Variants in NBEA observed in about 807,000 individuals in gnomAD.
NBEA encodes the protein lysosomal-trafficking regulator 2.
NBEA carries 44 observed loss-of-function variants against 343.4 expected under a neutral mutation model. The observed-to-expected ratio is 0.13, with a 90% CI of 0.10 to 0.16. The LOEUF (loss-of-function observed/expected upper bound fraction) is 0.16, where lower values mean the gene tolerates loss of function less well. NBEA is among the 10% of genes least tolerant of loss of function. The probability of loss-of-function intolerance (pLI) is 1.00; values close to 1 mark genes in which losing one functional copy is unlikely to be tolerated. For missense variants in NBEA, 2,555 were observed against 3,631.3 expected (o/e 0.70, Z 7.62); for synonymous variants, 1,175 against 1,238.7 (o/e 0.95, Z 1.08).
intron 13 of NBEA, 88 bp from the exon 14 acceptor site, chr13:35,117,326 A>G (rs919866831): frequency 2.0e-6 from 1 of 504,260 alleles, no homozygotes. Flanking sequence ...TAATTATTCA[A>G]GAATGCCATA....
At chr13:35,358,486 G>A (rs2040621614) in intron 38 of NBEA, among the ~76,000 whole-genome samples, 1 of 152,070 alleles carries the variant, frequency 6.6e-6, no homozygotes, top group South Asian at 2.1e-4. Flanking sequence ...GGAGGCTGAG[G>A]TGGGCAGATT....
intron 44 of NBEA, among the ~76,000 whole-genome samples, chr13:35,556,963 A>T (rs1370515050): frequency 6.6e-6 from 1 of 152,060 alleles, no homozygotes; most frequent in African/African-American, 2.4e-5. Flanking sequence ...TATTCCCTGT[A>T]TTAGGTTTTT....
intron 1 of NBEA, among the ~76,000 whole-genome samples, chr13:35,012,476 C>T (rs2061519431): frequency 6.6e-6 from 1 of 152,152 alleles, no homozygotes; most frequent in African/African-American, 2.4e-5. Context: ...TCAAGCCATA[C>T]CAAGTAAATA....
intron 33 of NBEA, among the ~76,000 whole-genome samples, chr13:35,213,889 C>CCCTGTTTGTTATTCACTCCTATCTCTGCT (rs2073923125): frequency 6.6e-6 from 1 of 151,874 alleles, no homozygotes; most frequent in East Asian, 1.9e-4. Flanking sequence ...GTTCTGTGTG[C>CCCTGTTTGTTATTCACTCCTATCTCTGCT]CCTGTTTGTT....
At chr13:35,070,278 A>G (rs2063815379) in intron 9 of NBEA, among the ~76,000 whole-genome samples, 173 bp downstream of exon 9, 1 of 151,964 alleles carries the variant, frequency 6.6e-6, no homozygotes, top group Non-Finnish European at 1.5e-5. Context: ...ATAGCAATAT[A>G]CTCTACCCTG....
intron 38 of NBEA, among the ~76,000 whole-genome samples, chr13:35,381,509 T>A (rs2042011706): frequency 6.6e-6 from 1 of 152,126 alleles, no homozygotes; most frequent in East Asian, 1.9e-4. Flanking sequence ...ATATCCAGAC[T>A]TCTATTCCCG....
chr13:35,228,561 C>A (rs969274808), intron 33 of NBEA, among the ~76,000 whole-genome samples: 7 of 152,032 alleles, frequency 4.6e-5, no homozygotes, highest in African/African-American at 1.7e-4. Context: ...AAGTCACCAG[C>A]CTCCAGTGTC....
chr13:35,379,174 C>T (rs1334290920), intron 38 of NBEA, among the ~76,000 whole-genome samples: 1 of 151,798 alleles, frequency 6.6e-6, no homozygotes, highest in Non-Finnish European at 1.5e-5. Context: ...AACTTTACTG[C>T]TGAACAGTTT....
intron 17 of NBEA, among the ~76,000 whole-genome samples, chr13:35,126,035 G>T (rs1332218832): frequency 6.6e-6 from 1 of 152,078 alleles, no homozygotes; most frequent in Non-Finnish European, 1.5e-5. Context: ...GATATGGTTT[G>T]GTTGTGTCCC....
chr13:35,008,576 C>G (rs1017450680), intron 1 of NBEA, among the ~76,000 whole-genome samples: 1 of 152,146 alleles, frequency 6.6e-6, no homozygotes, highest in Non-Finnish European at 1.5e-5. Flanking sequence ...CACAGAGACT[C>G]TATGCATACA....
At chr13:35,317,352 A>G (rs1262636393) in intron 36 of NBEA, among the ~76,000 whole-genome samples, 2 of 152,190 alleles carry the variant, frequency 1.3e-5, no homozygotes, top group Non-Finnish European at 2.9e-5. Flanking sequence ...ACCATTTATT[A>G]AATGGGGAAT....
intron 38 of NBEA, among the ~76,000 whole-genome samples, chr13:35,373,099 A>C (rs940064753): frequency 6.6e-6 from 1 of 151,976 alleles, no homozygotes; most frequent in African/African-American, 2.4e-5. Context: ...GGGGTCTCTC[A>C]CCCTTTTCCC....
intron 39 of NBEA, among the ~76,000 whole-genome samples, chr13:35,447,006 A>T (rs1021822351): frequency 2.0e-5 from 3 of 152,064 alleles, no homozygotes; most frequent in African/African-American, 7.2e-5. Flanking sequence ...ATTGTTGTGA[A>T]TTACTTTTTT....
intron 7 of NBEA, 99 bp downstream of exon 7, chr13:35,056,228 AAAC>A (rs1285026014): frequency 4.1e-5 from 43 of 1,043,242 alleles, no homozygotes; most frequent in Non-Finnish European, 5.2e-5. Flanking sequence ...TAGAAGCTTA[AAAC>A]TTTGAAAGTT....
chr13:35,061,669 A>G (rs1024572760), intron 8 of NBEA, among the ~76,000 whole-genome samples: 1 of 151,754 alleles, frequency 6.6e-6, no homozygotes, highest in African/African-American at 2.4e-5. Flanking sequence ...CTATATCATA[A>G]TAAAGTTCTA....
intron 1 of NBEA, among the ~76,000 whole-genome samples, chr13:34,990,160 G>C (rs1007173517): frequency 6.6e-6 from 1 of 150,852 alleles, no homozygotes; most frequent in South Asian, 2.1e-4. Flanking sequence ...GCCGTCAGTG[G>C]GTCTACCATT....
At chr13:35,295,838 T>C (rs2036092738) in intron 35 of NBEA, among the ~76,000 whole-genome samples, 1 of 152,204 alleles carries the variant, frequency 6.6e-6, no homozygotes. Context: ...AGCATATAAT[T>C]CAAATTACTT....
At chr13:35,514,625 A>G (rs1002732782) in intron 41 of NBEA, among the ~76,000 whole-genome samples, 2 of 152,160 alleles carry the variant, frequency 1.3e-5, no homozygotes, top group Non-Finnish European at 2.9e-5. Flanking sequence ...TACTTTGGTG[A>G]TTGAAATGGA....
chr13:35,008,219 A>G (rs1461556568), intron 1 of NBEA, among the ~76,000 whole-genome samples: 1 of 152,162 alleles, frequency 6.6e-6, no homozygotes, highest in Non-Finnish European at 1.5e-5. Flanking sequence ...CACCATTTTA[A>G]CTATTTAAAA....
Sources: allele counts gnomAD v4.1 joint callset (sites outside exome capture counted in the v4.1 genomes callset), GRCh38; gene constraint gnomAD v4.1.1; transcripts MANE v1.5; gene names NCBI Gene and HGNC (gene_info 2026-07-23, HGNC 2026-07-21).